The following CDK14 variants were observed in gnomAD, a reference collection of about 807,000 sequenced individuals.
The protein encoded by CDK14 is cyclin-dependent kinase 14.
In CDK14, 34 loss-of-function variants were observed where a neutral mutation model predicts 60.7. The ratio of observed to expected loss-of-function variants is 0.56; its 90% confidence interval spans 0.43 to 0.75. The LOEUF (loss-of-function observed/expected upper bound fraction) is 0.75. CDK14 is among the 30% of genes least tolerant of loss of function. CDK14 has a pLI of 0.00. For missense variants in CDK14, 482 were observed against 564.1 expected (o/e 0.85, Z 1.47); for synonymous variants, 197 against 203.7 (o/e 0.97, Z 0.28).
intron 5 of CDK14, among the ~76,000 whole-genome samples, chr7:90,858,407 C>T (rs746929671): frequency 2.6e-4 from 39 of 152,110 alleles, no homozygotes; most frequent in South Asian, 8.3e-4. Flanking sequence ...TGTGTCAAAG[C>T]GTCCTCTGGG....
At chr7:90,775,841 G>A (rs949038643) in intron 4 of CDK14, among the ~76,000 whole-genome samples, 1 of 141,464 alleles carries the variant, frequency 7.1e-6, no homozygotes, top group African/African-American at 2.6e-5. Flanking sequence ...TTTGGTGTTT[G>A]TTTGCCTTCA....
At chr7:91,033,812 T>C (rs1236566618) in intron 10 of CDK14, among the ~76,000 whole-genome samples, 1 of 152,164 alleles carries the variant, frequency 6.6e-6, no homozygotes, top group Non-Finnish European at 1.5e-5. Flanking sequence ...CAGTGCACAG[T>C]TGGGGACTGA....
chr7:91,169,356 AC>A (rs1762009317), intron 14 of CDK14, among the ~76,000 whole-genome samples: 1 of 152,206 alleles, frequency 6.6e-6, no homozygotes, highest in Non-Finnish European at 1.5e-5. Flanking sequence ...ACTGGTTCTG[AC>A]AGCTGCCTGC....
rs1799183385 is a variant in CDK14 at position 90,596,339 on chromosome 7, G to A, written c.-289G>A. Among the ~76,000 whole-genome samples, 1 of 150,430 alleles carries A rather than the reference G, an allele frequency of 6.6e-6. No homozygotes were observed. Among genetic ancestry groups the A allele is most frequent in the Admixed American group, 6.6e-5 (1 of 15,136 alleles). ...CTCCGTTACAAAGGAGGGAAAATGA[G>A]CCGGGCGGCGGCGGCGCGGCGCGGG... is the stretch of plus-strand genomic sequence containing the variant. On this transcript the variant is annotated 5_prime_UTR_variant, in exon 1 of 15. Transcript: ENST00000380050.
intron 2 of CDK14, among the ~76,000 whole-genome samples, chr7:90,633,455 TTTTG>T (rs1365423637): frequency 6.6e-6 from 1 of 152,186 alleles, no homozygotes; most frequent in Non-Finnish European, 1.5e-5. Flanking sequence ...GTTTCTGAAA[TTTTG>T]TTTATTTTTA....
chr7:91,127,424 C>T (rs955099240), intron 14 of CDK14, among the ~76,000 whole-genome samples: 2 of 152,040 alleles, frequency 1.3e-5, no homozygotes, highest in Non-Finnish European at 2.9e-5. Context: ...GAGGGATTTT[C>T]CCCCCTCTGC....
intron 2 of CDK14, among the ~76,000 whole-genome samples, chr7:90,726,095 C>T (rs1015938202): frequency 1.3e-5 from 2 of 152,116 alleles, no homozygotes; most frequent in African/African-American, 4.8e-5. Flanking sequence ...CATATTCATG[C>T]ATAAAACTTT....
chr7:91,178,783 G>A (rs1246734423), intron 14 of CDK14, among the ~76,000 whole-genome samples: 4 of 151,362 alleles, frequency 2.6e-5, no homozygotes, highest in Admixed American at 1.3e-4. Flanking sequence ...AGTTAGAATG[G>A]CAATCATTAA....
chr7:90,621,540 G>A (rs980516953), intron 2 of CDK14, among the ~76,000 whole-genome samples: 2 of 152,156 alleles, frequency 1.3e-5, no homozygotes, highest in African/African-American at 2.4e-5. Context: ...CTGAATAAAA[G>A]TTGCTTGAGA....
At chr7:90,694,152 G>A (rs1801610926) in intron 2 of CDK14, among the ~76,000 whole-genome samples, 1 of 152,158 alleles carries the variant, frequency 6.6e-6, no homozygotes, top group African/African-American at 2.4e-5. Context: ...CACTGTGCCT[G>A]ATGTGTAGGT....
intron 7 of CDK14, among the ~76,000 whole-genome samples, chr7:90,910,589 G>T (rs1349286493): frequency 2.0e-5 from 3 of 152,116 alleles, no homozygotes; most frequent in African/African-American, 7.2e-5. Context: ...TTATCTACCA[G>T]TGTCATATTT....
intron 5 of CDK14, among the ~76,000 whole-genome samples, chr7:90,834,623 CCTG>C (rs1790030791): frequency 1.3e-5 from 2 of 152,076 alleles, no homozygotes; most frequent in South Asian, 4.1e-4. Context: ...AAGTTTATAA[CCTG>C]GAGATGGGGA....
intron 2 of CDK14, among the ~76,000 whole-genome samples, chr7:90,612,297 C>CA (rs1255792830): frequency 2.6e-5 from 4 of 152,154 alleles, no homozygotes; most frequent in Admixed American, 2.0e-4. Context: ...TCTTTCTTGT[C>CA]ATAGTACTCC....
intron 14 of CDK14, among the ~76,000 whole-genome samples, chr7:91,154,611 G>A (rs902406327): frequency 6.6e-6 from 1 of 152,088 alleles, no homozygotes; most frequent in South Asian, 2.1e-4. Context: ...AGATGGCTGG[G>A]TTCAAATCCT....
intron 6 of CDK14, among the ~76,000 whole-genome samples, chr7:90,878,059 A>T (rs901482125): frequency 6.7e-6 from 1 of 148,496 alleles, no homozygotes; most frequent in African/African-American, 2.5e-5. Context: ...GATGCATTGG[A>T]CACATTGTGT....
chr7:90,983,987 C>T (rs539687437), intron 9 of CDK14, among the ~76,000 whole-genome samples, 161 bp from the exon 10 acceptor site: 1 of 152,272 alleles, frequency 6.6e-6, no homozygotes, highest in South Asian at 2.1e-4. Context: ...TGTAACAAAC[C>T]TGCACGTGTA....
At chr7:91,176,312 G>A (rs1175216406) in intron 14 of CDK14, among the ~76,000 whole-genome samples, 1 of 152,222 alleles carries the variant, frequency 6.6e-6, no homozygotes, top group East Asian at 1.9e-4. Flanking sequence ...TTAAAGTAGT[G>A]TGTAGAGGGA....
At chr7:90,674,134 T>C in intron 2 of CDK14, among the ~76,000 whole-genome samples, 1 of 152,226 alleles carries the variant, frequency 6.6e-6, no homozygotes, top group East Asian at 1.9e-4. Context: ...ACAGAAATTC[T>C]GAATGAGTCT....
intron 5 of CDK14, among the ~76,000 whole-genome samples, chr7:90,803,976 A>G (rs1285283537): frequency 6.6e-6 from 1 of 152,214 alleles, no homozygotes; most frequent in Non-Finnish European, 1.5e-5. Context: ...GGCACATGAT[A>G]GGCACTCAGG....
Sources: allele counts gnomAD v4.1 joint callset (sites outside exome capture counted in the v4.1 genomes callset), GRCh38; gene constraint gnomAD v4.1.1; transcripts MANE v1.5; gene names NCBI Gene and HGNC (gene_info 2026-07-23, HGNC 2026-07-21).